XYLB: variants seen among roughly 807,000 people sequenced by gnomAD.
The protein encoded by XYLB is xylulose kinase.
In XYLB, 62 loss-of-function variants were observed where a neutral mutation model predicts 78.7. That is an observed-to-expected ratio of 0.79 (90% CI 0.64 to 0.97). XYLB has a LOEUF of 0.97. Among genes scored for constraint, XYLB ranks in the 50% least tolerant of loss-of-function variants. The probability of loss-of-function intolerance (pLI) is 0.00; values close to 1 mark genes in which losing one functional copy is unlikely to be tolerated. For missense variants in XYLB, 687 were observed against 676.8 expected (o/e 1.02, Z -0.17); for synonymous variants, 245 against 247.4 (o/e 0.99, Z 0.09).
chr3:38,374,079 A>T (rs1358719876), intron 10 of XYLB, among the ~76,000 whole-genome samples: 2 of 151,780 alleles, frequency 1.3e-5, no homozygotes, highest in African/African-American at 4.8e-5. Flanking sequence ...CAGGGCACAG[A>T]GAGTGAACAT....
chr3:38,406,692 G>A (rs1249309064), intron 18 of XYLB, among the ~76,000 whole-genome samples: 1 of 152,208 alleles, frequency 6.6e-6, no homozygotes, highest in Admixed American at 6.5e-5. Flanking sequence ...GCTTAAAGGA[G>A]CTGATGGAGC....
the XYLB span, among the ~76,000 whole-genome samples, chr3:38,445,748 G>C: frequency 6.6e-6 from 1 of 152,200 alleles, no homozygotes; most frequent in African/African-American, 2.4e-5. Context: ...TTGTTAGAGA[G>C]CCCTTTCCCA....
At chr3:38,432,350 C>T in the XYLB span, among the ~76,000 whole-genome samples, 16 of 149,492 alleles carry the variant, frequency 1.1e-4, no homozygotes, top group East Asian at 1.8e-3. Flanking sequence ...GTGTGGATCT[C>T]GAGGTCAGGA....
chr3:38,413,015 C>G lies in XYLB; in HGVS notation c.*2C>G, dbSNP rs775733617. ...CAGACCCGGGGGCCTCCGGAGTGAA[C>G]AGGCATCCCTGTTGCCCCTGCCTGC... On this transcript the variant is annotated 3_prime_UTR_variant, in exon 19 of 19. Transcript: ENST00000207870. 10 of 1,592,322 alleles carry G rather than the reference C, an allele frequency of 6.3e-6. No individual in the cohort carries two copies. The highest frequency in any genetic ancestry group is 1.7e-4 in the Middle Eastern group (1 of 6,020).
chr3:38,418,567 T>C (rs1045030391), downstream of XYLB, among the ~76,000 whole-genome samples: 1 of 152,172 alleles, frequency 6.6e-6, no homozygotes, highest in Admixed American at 6.5e-5. Flanking sequence ...TATACATTAA[T>C]ATACGACAGA....
At chr3:38,420,112 C>T (rs1162047169) in exon 18 of XYLB, among the ~76,000 whole-genome samples, 1 of 152,172 alleles carries the variant, frequency 6.6e-6, no homozygotes, top group Non-Finnish European at 1.5e-5. Context: ...AGCCACCACG[C>T]CCAGCCATAA....
At chr3:38,394,954 C>T (rs950483006) in intron 15 of XYLB, among the ~76,000 whole-genome samples, 2 of 152,206 alleles carry the variant, frequency 1.3e-5, no homozygotes, top group African/African-American at 4.8e-5. Context: ...TCCAAGAGAG[C>T]ATGATCTGTG....
chr3:38,419,958 T>C (rs1708924910), downstream of XYLB, among the ~76,000 whole-genome samples: 2 of 152,060 alleles, frequency 1.3e-5, no homozygotes, highest in South Asian at 2.1e-4. Flanking sequence ...TAACTGGGAT[T>C]ACAGGCACCC....
At chr3:38,419,268 TA>T (rs900036512), downstream of XYLB, among the ~76,000 whole-genome samples, 2 of 152,160 alleles carry the variant, frequency 1.3e-5, no homozygotes, top group African/African-American at 4.8e-5. Context: ...GGCTGAATAA[TA>T]TTCCGCTGTG....
chr3:38,354,275 C>A (rs2125555378), intron 2 of XYLB, among the ~76,000 whole-genome samples: 1 of 152,112 alleles, frequency 6.6e-6, no homozygotes, highest in East Asian at 1.9e-4. Context: ...GCCATGTTGG[C>A]CAGGTTGGTC....
chr3:38,388,911 A>C (rs1707515788), intron 15 of XYLB, among the ~76,000 whole-genome samples: 1 of 149,562 alleles, frequency 6.7e-6, no homozygotes, highest in African/African-American at 2.5e-5. Context: ...CCTTTATTTT[A>C]CTAAAGAATT....
At chr3:38,426,556 T>A in the XYLB span, among the ~76,000 whole-genome samples, 1 of 152,202 alleles carries the variant, frequency 6.6e-6, no homozygotes, top group Admixed American at 6.5e-5. Flanking sequence ...TTAAAATGGA[T>A]CAAGACACTT....
At chr3:38,375,378 C>T (rs533344635) in intron 12 of XYLB, 119 bp downstream of exon 12, 12 of 895,158 alleles carry the variant, frequency 1.3e-5, no homozygotes, top group South Asian at 3.2e-5. Flanking sequence ...TCCACTTTCC[C>T]GGGCTCTGCT....
the XYLB span, among the ~76,000 whole-genome samples, chr3:38,434,421 CA>C: frequency 2.6e-5 from 4 of 152,174 alleles, no homozygotes; most frequent in Non-Finnish European, 5.9e-5. Context: ...ATGATATATT[CA>C]AAGTGCTGGA....
At chr3:38,351,411 G>A (rs987910863) in intron 2 of XYLB, among the ~76,000 whole-genome samples, 6 of 151,832 alleles carry the variant, frequency 4.0e-5, no homozygotes, top group African/African-American at 1.5e-4. Flanking sequence ...CCAAAATATG[G>A]TATTGCTTTT....
chr3:38,424,152 A>G (rs116805069), downstream of XYLB, among the ~76,000 whole-genome samples: 5,092 of 151,002 alleles, frequency 0.034, 130 homozygotes, highest in Non-Finnish European at 0.055. Context: ...AATAGAATAG[A>G]TCCAGAAAAG....
chr3:38,438,579 T>C, the XYLB span, among the ~76,000 whole-genome samples: 1 of 152,178 alleles, frequency 6.6e-6, no homozygotes, highest in South Asian at 2.1e-4. Flanking sequence ...TTCCTGTGGG[T>C]TCTTGGTCTT....
chr3:38,416,221 C>T (rs776019631), downstream of XYLB, among the ~76,000 whole-genome samples: 2 of 152,148 alleles, frequency 1.3e-5, no homozygotes, highest in Non-Finnish European at 2.9e-5. Flanking sequence ...GAGGAAAATA[C>T]AAAGAACTCC....
intron 15 of XYLB, among the ~76,000 whole-genome samples, chr3:38,392,216 C>CTT (rs1707687702): frequency 2.0e-5 from 3 of 152,338 alleles, no homozygotes; most frequent in Admixed American, 2.0e-4. Context: ...CAGCAACAAC[C>CTT]TTTAAATCTG....
Sources: allele counts gnomAD v4.1 joint callset (sites outside exome capture counted in the v4.1 genomes callset), GRCh38; gene constraint gnomAD v4.1.1; transcripts MANE v1.5; gene names NCBI Gene and HGNC (gene_info 2026-07-23, HGNC 2026-07-21).